SPOCK3: variants seen among roughly 807,000 people sequenced by gnomAD.
The protein encoded by SPOCK3 is SPARC (osteonectin), cwcv and kazal like domains proteoglycan 3.
A neutral mutation model predicts 56.6 loss-of-function variants in SPOCK3; 30 were observed. The ratio of observed to expected loss-of-function variants is 0.53; its 90% CI spans 0.40 to 0.72. The LOEUF (loss-of-function observed/expected upper bound fraction) is 0.72. SPOCK3 is among the 30% of genes least tolerant of loss of function. The probability of loss-of-function intolerance (pLI) is 0.00; values close to 1 mark genes in which losing one functional copy is unlikely to be tolerated. For synonymous variants in SPOCK3, 196 were observed against 183.3 expected (o/e 1.07, Z -0.56); for missense variants, 527 against 530.0 (o/e 0.99, Z 0.06).
intron 2 of SPOCK3, among the ~76,000 whole-genome samples, chr4:167,158,264 TCA>T (rs1010132138): frequency 9.2e-5 from 14 of 152,104 alleles, no homozygotes; most frequent in African/African-American, 3.1e-4. Flanking sequence ...TGGTAATAAG[TCA>T]CAGAGATAAT....
At chr4:167,206,550 G>T (rs1734354762) in intron 2 of SPOCK3, among the ~76,000 whole-genome samples, 1 of 151,930 alleles carries the variant, frequency 6.6e-6, no homozygotes, top group Non-Finnish European at 1.5e-5. Context: ...ATGACTTGTG[G>T]CACTTTTCTC....
intron 6 of SPOCK3, among the ~76,000 whole-genome samples, chr4:166,856,476 A>G (rs1730679209): frequency 6.6e-6 from 1 of 152,158 alleles, no homozygotes; most frequent in South Asian, 2.1e-4. Flanking sequence ...TTTAAAAATC[A>G]TAAAAATATA....
intron 6 of SPOCK3, among the ~76,000 whole-genome samples, chr4:166,882,289 G>A (rs1453686273): frequency 6.6e-6 from 1 of 152,118 alleles, no homozygotes; most frequent in Non-Finnish European, 1.5e-5. Flanking sequence ...CAGATCTCAG[G>A]AAAAGAGTTC....
intron 3 of SPOCK3, chr4:167,011,232 C>A (rs1048568705): frequency 4.4e-6 from 2 of 454,902 alleles, no homozygotes; most frequent in Admixed American, 2.4e-5. Flanking sequence ...CTGGCAAGTA[C>A]TAATCCAAAG....
intron 3 of SPOCK3, among the ~76,000 whole-genome samples, chr4:167,036,419 G>A (rs1190889731): frequency 6.6e-6 from 1 of 152,088 alleles, no homozygotes; most frequent in Non-Finnish European, 1.5e-5. Context: ...CCCAGTCACA[G>A]TTTCAACCAA....
At chr4:167,045,098 A>G (rs1035016122) in intron 3 of SPOCK3, among the ~76,000 whole-genome samples, 2 of 152,136 alleles carry the variant, frequency 1.3e-5, no homozygotes, top group Admixed American at 6.5e-5. Context: ...CTTGTTAGGC[A>G]TATGCAAGTT....
At chr4:167,116,462 A>G (rs1330491891) in intron 2 of SPOCK3, among the ~76,000 whole-genome samples, 1 of 131,372 alleles carries the variant, frequency 7.6e-6, no homozygotes, top group Non-Finnish European at 1.6e-5. Context: ...AAGTATATAT[A>G]TACACACTTT....
intron 3 of SPOCK3, among the ~76,000 whole-genome samples, chr4:167,058,987 T>C (rs1194909421): frequency 1.3e-5 from 2 of 152,008 alleles, no homozygotes; most frequent in Non-Finnish European, 2.9e-5. Context: ...TTACACCTTA[T>C]ACAAAAATCA....
chr4:166,839,788 T>C (rs1747040419), intron 6 of SPOCK3, among the ~76,000 whole-genome samples: 1 of 152,172 alleles, frequency 6.6e-6, no homozygotes, highest in African/African-American at 2.4e-5. Flanking sequence ...AGTTTAATTT[T>C]AGCTATATAA....
rs536513997 is a variant in SPOCK3, at chr4:166,741,436, C to G, written c.994+561G>C. Among the ~76,000 whole-genome samples the G allele has an allele frequency of 2.0e-5, 3 of 152,104 alleles. No individual in the cohort carries two copies. The South Asian group carries it at 6.2e-4, about 32-fold the overall frequency. On this transcript the variant is annotated intron_variant, in intron 9 of 10. Coordinates refer to ENST00000357545, the MANE Select transcript of SPOCK3 (RefSeq NM_001040159.2). ...AAATTGTAAGTTTATAAGAATAAAC[C>G]ACTCATATGTAACAGTTTAATAATC...
At chr4:167,164,602 C>G (rs1244364895) in intron 2 of SPOCK3, among the ~76,000 whole-genome samples, 1 of 151,844 alleles carries the variant, frequency 6.6e-6, no homozygotes, top group Non-Finnish European at 1.5e-5. Context: ...TCCCCCAACC[C>G]CCACACAGGC....
intron 3 of SPOCK3, among the ~76,000 whole-genome samples, chr4:167,024,040 C>T (rs982691110): frequency 6.6e-6 from 1 of 152,008 alleles, no homozygotes; most frequent in East Asian, 1.9e-4. Flanking sequence ...ATGCTATTAA[C>T]GGTGAATCTC....
intron 2 of SPOCK3, among the ~76,000 whole-genome samples, chr4:167,088,694 A>T (rs1407377972): frequency 6.6e-6 from 1 of 151,854 alleles, no homozygotes; most frequent in East Asian, 1.9e-4. Context: ...CAATCTCTTG[A>T]CTTCGTGATC....
chr4:167,166,837 T>G (rs2150455358), intron 2 of SPOCK3, among the ~76,000 whole-genome samples: 1 of 152,260 alleles, frequency 6.6e-6, no homozygotes, highest in African/African-American at 2.4e-5. Flanking sequence ...TGTAGCGGAA[T>G]AAAATATTAA....
intron 4 of SPOCK3, among the ~76,000 whole-genome samples, chr4:166,964,260 T>C (rs1744463322): frequency 6.6e-6 from 1 of 151,826 alleles, no homozygotes; most frequent in African/African-American, 2.4e-5. Context: ...TCAGTATTCA[T>C]TATTGCATAT....
chr4:166,878,748 G>A (rs13123001), intron 6 of SPOCK3, among the ~76,000 whole-genome samples: 92,216 of 151,876 alleles, frequency 0.61, 28,555 homozygotes, highest in East Asian at 0.75. Flanking sequence ...GGGCTGGTAA[G>A]ACACTGTAAT....
intron 5 of SPOCK3, among the ~76,000 whole-genome samples, chr4:166,910,054 T>TA (rs1052098456): frequency 4.3e-4 from 65 of 152,148 alleles, no homozygotes; most frequent in African/African-American, 1.3e-3. Flanking sequence ...AATAAACTCT[T>TA]AAAAAAAGAT....
chr4:166,951,832 C>T (rs1396649032), intron 4 of SPOCK3, among the ~76,000 whole-genome samples: 1 of 151,674 alleles, frequency 6.6e-6, no homozygotes, highest in Non-Finnish European at 1.5e-5. Context: ...AGACAAAAAC[C>T]ACATGATTAT....
At chr4:167,058,912 A>G (rs889896269) in intron 3 of SPOCK3, among the ~76,000 whole-genome samples, 3 of 152,220 alleles carry the variant, frequency 2.0e-5, no homozygotes, top group African/African-American at 7.2e-5. Flanking sequence ...AGGATTCCCT[A>G]CTTAATAAAT....
Sources: allele counts gnomAD v4.1 joint callset (sites outside exome capture counted in the v4.1 genomes callset), GRCh38; gene constraint gnomAD v4.1.1; transcripts MANE v1.5; gene names NCBI Gene and HGNC (gene_info 2026-07-23, HGNC 2026-07-21).